The following GPC2 variants were observed in gnomAD, a reference collection of about 807,000 sequenced individuals.
The protein encoded by GPC2 is glypican 2.
Under a neutral mutation model 57.3 loss-of-function variants are expected in GPC2, and 42 were observed. The ratio of observed to expected loss-of-function variants is 0.73; its 90% CI spans 0.57 to 0.95. GPC2 has a LOEUF of 0.95. Ranked by LOEUF, GPC2 falls within the 40% of genes least tolerant of loss-of-function variation. The pLI is 0.00. For missense variants in GPC2, 745 were observed against 793.6 expected (o/e 0.94, Z 0.74); for synonymous variants, 364 against 343.4 (o/e 1.06, Z -0.66).
intron 2 of GPC2, 104 bp downstream of exon 2, chr7:100,176,103 T>C: frequency 8.8e-7 from 1 of 1,133,684 alleles, no homozygotes; most frequent in Non-Finnish European, 1.3e-6. Flanking sequence ...TGGGAGGGGA[T>C]GGAGTCTTCA....
Position 100,171,707 on chromosome 7 carries a change from C to A in GPC2, c.1171-29G>T. ...GGCGGGCGAGAGGGGGCGGGGCGAG[C>A]TGGAGCGCGACCCCCACAACCATCC... On this transcript the variant is annotated intron_variant, in intron 7 of 9. Transcript: ENST00000292377. This position sits in a 1 kb window ranked among gnomAD's most constrained non-coding sequence, Gnocchi z 4.8. 1 of 1,478,780 alleles carries A rather than the reference C, an allele frequency of 6.8e-7. No homozygotes were observed. The highest frequency in any genetic ancestry group is 8.9e-7 in the Non-Finnish European group (1 of 1,124,248). The allele number at this position is 1,478,780 out of a possible 1,614,324, so 91.6% of individuals were successfully genotyped here. A position where few individuals can be genotyped will look rare whatever the true frequency, so the allele number is the denominator to read the frequency against.
chr7:100,170,076 G>T lies in GPC2; in HGVS notation c.*154C>A. 1.6e-6 allele frequency: 1 copy of T among 630,482 alleles called. No individual in the cohort carries two copies. Among genetic ancestry groups the T allele is most frequent in the Non-Finnish European group, 2.6e-6 (1 of 391,962 alleles). 39.1% of individuals were successfully genotyped at this position (630,482 alleles called of 1,614,324 possible). A position where few individuals can be genotyped will look rare whatever the true frequency, so the allele number is the denominator to read the frequency against. On this transcript the variant is annotated 3_prime_UTR_variant, in exon 10 of 10. Coordinates refer to ENST00000292377, the MANE Select transcript of GPC2 (RefSeq NM_152742.3). ...TTGTGAACACCCACCCACCTCTGAT[G>T]AAAATCTCCTGGATTTGGGGCCCCA... is the stretch of plus-strand genomic sequence containing the variant.
Position 100,171,283 on chromosome 7 carries a change from G to T in GPC2, c.1464C>A (p.His488Gln), listed in dbSNP as rs1162012574. ...TARMKTAALG[H>Q]DLDGQDADED... The stretch of plus-strand genomic sequence containing the variant: ...CACCCGCGTCCTGCCCGTCCAGGTC[G>T]TGTCCCAGTGCGGCCGTTTTCATTC... The change falls in exon 9 of 10, where the codon CAC (histidine) becomes CAA (glutamine). Residue 488 changes from histidine (H) to glutamine (Q), a missense_variant. Coordinates refer to ENST00000292377, the MANE Select transcript of GPC2 (RefSeq NM_152742.3). This position sits in a 1 kb window ranked among gnomAD's most constrained non-coding sequence, Gnocchi z 4.8. The T allele has an allele frequency of 3.3e-6, 5 of 1,535,808 alleles. No homozygotes were observed. The highest frequency in any genetic ancestry group is 1.9e-4 in the Middle Eastern group (1 of 5,280).
intron 9 of GPC2, 68 bp from the exon 10 acceptor site, chr7:100,170,551 A>T (rs2116980603): frequency 7.4e-7 from 1 of 1,348,276 alleles, no homozygotes; most frequent in Non-Finnish European, 9.7e-7. Flanking sequence ...GGAGGAAAAG[A>T]AATTGAGATA....
rs1431424489 is a variant in GPC2, at chr7:100,174,412, T to C, written c.729+273A>G. ...GGGGTTGGGCGGGGGCAGTATCCAA[T>C]CTCCTACTGCTATGGAGATGAGCAG... On this transcript the variant is annotated intron_variant, in intron 4 of 9. Transcript: ENST00000292377. 4 of 558,350 alleles carry C rather than the reference T, an allele frequency of 7.2e-6. No homozygotes were observed. In the African/African-American group the frequency reaches 7.6e-5, roughly 11 times the overall value. The allele number at this position is 558,350 out of a possible 1,614,324, so 34.6% of individuals were successfully genotyped here.
chr7:100,170,139 C>T lies in GPC2; in HGVS notation c.*91G>A, dbSNP rs1485374128. On this transcript the variant is annotated 3_prime_UTR_variant, in exon 10 of 10. Coordinates refer to ENST00000292377, the MANE Select transcript of GPC2 (RefSeq NM_152742.3). ...CAAAGTCCCTTCTCTACCCTCTCTGCAGCCCCCTTCGACTCCTCCCCAGGC... is the reference window on the plus strand; with the variant it reads ...CAAAGTCCCTTCTCTACCCTCTCTGTAGCCCCCTTCGACTCCTCCCCAGGC... 9 of 1,355,268 alleles carry T rather than the reference C, an allele frequency of 6.6e-6. No individual in the cohort carries two copies. The highest frequency in any genetic ancestry group is 8.9e-6 in the Non-Finnish European group (9 of 1,010,454). 84.0% of individuals were successfully genotyped at this position (1,355,268 alleles called of 1,614,324 possible).
intron 3 of GPC2, 56 bp downstream of exon 3, chr7:100,175,516 A>T: frequency 7.1e-7 from 1 of 1,402,110 alleles, no homozygotes; most frequent in African/African-American, 1.4e-5. Flanking sequence ...AGTGGTGCAC[A>T]GTTCAGGGGT....
rs1918353 is a variant in GPC2, at chr7:100,169,964, A to G, written c.*266T>C. The G allele has an allele frequency of 0.57, 167,745 of 296,766 alleles. 48,681 individuals carry two copies. The highest frequency in any genetic ancestry group is 0.69 in the East Asian group (10,541 of 15,348). The allele number at this position is 296,766 out of a possible 1,614,324, so 18.4% of individuals were successfully genotyped here. A position where few individuals can be genotyped will look rare whatever the true frequency, so the allele number is the denominator to read the frequency against. On this transcript the variant is annotated 3_prime_UTR_variant, in exon 10 of 10. Coordinates refer to ENST00000292377, the MANE Select transcript of GPC2 (RefSeq NM_152742.3). ...TCACCAGCCCCAGCCTTAGAGGGCT[A>G]GAGACTATACCTTCTAAGGAAACCA...
chr7:100,175,797 G>A lies in GPC2; in HGVS notation c.423C>T (p.Phe141=). The A allele has an allele frequency of 6.2e-7, 1 of 1,614,056 alleles. No homozygotes were observed. Among genetic ancestry groups the A allele is most frequent in the Non-Finnish European group, 8.5e-7 (1 of 1,179,986 alleles). Residue 141 remains phenylalanine, a synonymous_variant, in exon 3 of 10, where the codon TTC becomes TTT. Coordinates refer to ENST00000292377, the MANE Select transcript of GPC2 (RefSeq NM_152742.3). ...GRLYAQHALI[F]NGLFSRLRDF... ...CTCGCAGCCGAGAGAACAGGCCATT[G>A]AATATGAGGGCGTGCTGGGCATACA...
At position 100,171,920 on chromosome 7, in the gene GPC2, A is replaced by C; in HGVS notation, c.1029T>G (p.Phe343Leu). 2.0e-6 allele frequency: 3 copies of C among 1,502,560 alleles called. No individual in the cohort carries two copies. The highest frequency in any genetic ancestry group is 2.7e-6 in the Non-Finnish European group (3 of 1,130,116). The allele number at this position is 1,502,560 out of a possible 1,614,324, so 93.1% of individuals were successfully genotyped here. A position where few individuals can be genotyped will look rare whatever the true frequency, so the allele number is the denominator to read the frequency against. ...ENSAKVSAQVFQECGPPDPVP... is the reference protein window; with the variant it reads ...ENSAKVSAQVLQECGPPDPVP... ...CCGGGTCGGGGGGGCCGCACTCCTGAAACACCTGCGGCACCGGGAAGAGAC... is the reference window on the plus strand; with the variant it reads ...CCGGGTCGGGGGGGCCGCACTCCTGCAACACCTGCGGCACCGGGAAGAGAC... Residue 343 changes from phenylalanine to leucine, a missense_variant, in exon 7 of 10, where the codon TTT becomes TTG. Coordinates refer to ENST00000292377, the MANE Select transcript of GPC2 (RefSeq NM_152742.3). This position sits in a 1 kb window ranked among gnomAD's most constrained non-coding sequence, Gnocchi z 4.8.
At chr7:100,172,637 GTATATATATATATGTGTGTGTGTA>G (rs1202427396) in intron 5 of GPC2, among the ~76,000 whole-genome samples, 6 of 133,222 alleles carry the variant, frequency 4.5e-5, no homozygotes, top group African/African-American at 1.7e-4. Context: ...GCTAATTTTT[GTATATATATATATGTGTGTGTGTA>G]TATATATATA....
At position 100,171,826 on chromosome 7, in the gene GPC2, C is replaced by A; in HGVS notation, c.1123G>T (p.Glu375Ter). The A allele has an allele frequency of 6.4e-7, 1 of 1,572,222 alleles. No homozygotes were observed. Among genetic ancestry groups the A allele is most frequent in the Non-Finnish European group, 8.6e-7 (1 of 1,167,532 alleles). Residue 375 changes from glutamate (E) to a stop codon, truncating the protein, a stop_gained, in exon 7 of 10, where the codon GAG becomes TAG. Coordinates refer to ENST00000292377, the MANE Select transcript of GPC2 (RefSeq NM_152742.3). LOFTEE classifies it high-confidence loss of function. This position sits in a 1 kb window ranked among gnomAD's most constrained non-coding sequence, Gnocchi z 4.8. ...EAGRLWSMVTEEERPTTAAGT... is the reference protein window; with the variant it reads ...EAGRLWSMVT The stretch of plus-strand genomic sequence containing the variant: ...GCGGCCGTCGTGGGCCGCTCCTCCT[C>A]GGTCACCATCGACCACAGCCGGCCC...
rs780319689 is a variant in GPC2, at chr7:100,177,033, C to CCTGA, written c.163_166dup (p.Gly56ValfsTer3). 7.5e-7 allele frequency: 1 copy of CCTGA among 1,332,634 alleles called. No individual in the cohort carries two copies. The highest frequency in any genetic ancestry group is 1.0e-6 in the Non-Finnish European group (1 of 994,940). 82.6% of individuals were successfully genotyped at this position (1,332,634 alleles called of 1,614,324 possible). A position where few individuals can be genotyped will look rare whatever the true frequency, so the allele number is the denominator to read the frequency against. The stretch of plus-strand genomic sequence containing the variant: ...TCTCTAGTCTTCCTCTTTCTCCTCA[C>CCTGA]CTGAGATCAGGGCGGGAGGGATTAG... On this transcript the variant is annotated frameshift_variant and splice_region_variant. Coordinates refer to ENST00000292377, the MANE Select transcript of GPC2 (RefSeq NM_152742.3). LOFTEE classifies it high-confidence loss of function.
intron 4 of GPC2, chr7:100,174,401 G>T (rs375324131): frequency 3.6e-6 from 2 of 549,650 alleles, no homozygotes; most frequent in Non-Finnish European, 6.6e-6. Context: ...TTGGGCGGGG[G>T]CAGTATCCAA....
rs780731256 is a variant in GPC2, at chr7:100,171,948, C to G, written c.1024-23G>C. On this transcript the variant is annotated intron_variant, in intron 6 of 9. Coordinates refer to ENST00000292377, the MANE Select transcript of GPC2 (RefSeq NM_152742.3). This position sits in a 1 kb window ranked among gnomAD's most constrained non-coding sequence, Gnocchi z 4.8. ...CACCTGCGGCACCGGGAAGAGACCT[C>G]ACACAGTCACCCTGGGGGGAAACCA... 1.6e-5 allele frequency: 25 copies of G among 1,530,288 alleles called. No homozygotes were observed. Among genetic ancestry groups the G allele is most frequent in the South Asian group, 1.0e-4 (8 of 80,162 alleles). The allele number at this position is 1,530,288 out of a possible 1,614,324, so 94.8% of individuals were successfully genotyped here.
rs1562957085 is a variant in GPC2, at chr7:100,171,585, C to T, written c.1264G>A (p.Ala422Thr). Residue 422 changes from alanine (A) to threonine (T), a missense_variant, in exon 8 of 10, where the codon GCC becomes ACC. Coordinates refer to ENST00000292377, the MANE Select transcript of GPC2 (RefSeq NM_152742.3). This position sits in a 1 kb window ranked among gnomAD's most constrained non-coding sequence, Gnocchi z 4.8. ...VCGDSRMAAD[A>T]SLEAAPCWTG... The stretch of plus-strand genomic sequence containing the variant: ...CAGCAGGGCGCCGCCTCCAGCGAGG[C>T]GTCCGCTGCCATGCGAGAGTCTCCG... 6.6e-7 allele frequency: 1 copy of T among 1,511,060 alleles called. No individual in the cohort carries two copies. The highest frequency in any genetic ancestry group is 8.8e-7 in the Non-Finnish European group (1 of 1,141,786). The allele number at this position is 1,511,060 out of a possible 1,614,324, so 93.6% of individuals were successfully genotyped here.
In GPC2 at chr7:100,171,428, G is replaced by T; in HGVS notation, c.1319C>A (p.Pro440Gln). 6.9e-7 allele frequency: 1 copy of T among 1,456,766 alleles called. No homozygotes were observed. The allele number at this position is 1,456,766 out of a possible 1,614,324, so 90.2% of individuals were successfully genotyped here. A position where few individuals can be genotyped will look rare whatever the true frequency, so the allele number is the denominator to read the frequency against. ...GGCCGGGGAGCCCCCGACCACTGGC[G>T]GCAAGTACCTGCGAGCAGAGCAGCC... Reference protein sequence around the residue: ...WTGAGRGRYLPPVVGGSPAEQ... With the variant: ...WTGAGRGRYLQPVVGGSPAEQ... The change falls in exon 9 of 10, where the codon CCG (proline) becomes CAG (glutamine). Residue 440 changes from proline (P) to glutamine (Q), a missense_variant. Physicochemically the swap from Pro to Gln is moderately conservative, Grantham distance 76. This residue lies in a region of GPC2 where 607 missense variants were observed against 603.9 expected (regional missense o/e 1.01). Coordinates refer to ENST00000292377, the MANE Select transcript of GPC2 (RefSeq NM_152742.3). The surrounding 1 kb of genome is among the most constrained non-coding windows in gnomAD (Gnocchi z 4.8).
At position 100,170,260 on chromosome 7, in the gene GPC2, G is replaced by A. The variant is rs373220994; in HGVS notation, c.1710C>T (p.Leu570=). 8.9e-6 allele frequency: 14 copies of A among 1,573,286 alleles called. No individual in the cohort carries two copies. The highest frequency in any genetic ancestry group is 2.4e-5 in the East Asian group (1 of 42,104). ...FHTQTILILS[L]SALALLGPR ...GAGGTCCAAGCAGGGCCAGGGCTGA[G>A]AGGGAGAGAATGAGGATGGTTTGGG... Residue 570 remains leucine (L), a synonymous_variant, in exon 10 of 10, where the codon CTC becomes CTT. Transcript: ENST00000292377.
rs531823959 is a variant in GPC2 at position 100,170,584 on chromosome 7, G to A, written c.1487-101C>T. 5 of 1,159,764 alleles carry A rather than the reference G, an allele frequency of 4.3e-6. No homozygotes were observed. The Admixed American group carries it at 1.0e-4, about 24-fold the overall frequency. 71.8% of individuals were successfully genotyped at this position (1,159,764 alleles called of 1,614,324 possible). A position where few individuals can be genotyped will look rare whatever the true frequency, so the allele number is the denominator to read the frequency against. ...ATAAAAACAGAAAGAGAGAGGAAAGGGAGGGAGACACAGGTGGATGCCGGG... is the reference window on the plus strand; with the variant it reads ...ATAAAAACAGAAAGAGAGAGGAAAGAGAGGGAGACACAGGTGGATGCCGGG... On this transcript the variant is annotated intron_variant, in intron 9 of 9. Transcript: ENST00000292377.
Sources: allele counts gnomAD v4.1 joint callset (sites outside exome capture counted in the v4.1 genomes callset), GRCh38; gene constraint gnomAD v4.1.1; regional missense constraint gnomAD v4.1.1; non-coding constraint Gnocchi (gnomAD v3.1); transcripts MANE v1.5; gene names NCBI Gene and HGNC (gene_info 2026-07-23, HGNC 2026-07-21).